The following PELI2 variants were observed in gnomAD, a reference collection of about 807,000 sequenced individuals.
PELI2 encodes the protein pellino E3 ubiquitin protein ligase family member 2, also known as E3 ubiquitin-protein ligase pellino homolog 2.
PELI2 carries 23 observed loss-of-function variants against 42.3 expected under a neutral mutation model. The observed-to-expected ratio is 0.54, with a 90% confidence interval of 0.39 to 0.77. The LOEUF (loss-of-function observed/expected upper bound fraction) is 0.77, where lower values mean the gene tolerates loss of function less well. Ranked by LOEUF, PELI2 falls within the 30% of genes least tolerant of loss-of-function variation. PELI2 has a pLI of 0.00. For synonymous variants in PELI2, 245 were observed against 212.2 expected (o/e 1.15, Z -1.34); for missense variants, 463 against 553.2 (o/e 0.84, Z 1.64).
intron 2 of PELI2, among the ~76,000 whole-genome samples, chr14:56,269,681 G>A (rs1229602269): frequency 6.6e-6 from 1 of 152,184 alleles, no homozygotes; most frequent in African/African-American, 2.4e-5. Flanking sequence ...CTTGCCCAGA[G>A]TCCTACAGCC....
chr14:56,233,609 A>G (rs909365018), intron 2 of PELI2, among the ~76,000 whole-genome samples: 3 of 152,232 alleles, frequency 2.0e-5, no homozygotes, highest in African/African-American at 4.8e-5. Context: ...TTAACTCAAG[A>G]TGGATTAAAG....
At chr14:56,134,778 T>A (rs1205966541) in intron 1 of PELI2, among the ~76,000 whole-genome samples, 5 of 91,648 alleles carry the variant, frequency 5.5e-5, no homozygotes, top group Non-Finnish European at 1.1e-4. Flanking sequence ...CAGTAAACTA[T>A]TTTTTTTTTT....
intron 1 of PELI2, among the ~76,000 whole-genome samples, chr14:56,121,528 C>T (rs1411975538): frequency 6.6e-6 from 1 of 152,186 alleles, no homozygotes; most frequent in Non-Finnish European, 1.5e-5. Flanking sequence ...GTGTCCACTA[C>T]TTAACTGAAG....
chr14:56,231,714 CAA>C (rs1237275043), intron 2 of PELI2, among the ~76,000 whole-genome samples: 1 of 152,100 alleles, frequency 6.6e-6, no homozygotes, highest in South Asian at 2.1e-4. Context: ...GAAGCAAAAG[CAA>C]ACACATTCAA....
At chr14:56,156,457 T>A (rs1410366309) in intron 1 of PELI2, among the ~76,000 whole-genome samples, 1 of 152,234 alleles carries the variant, frequency 6.6e-6, no homozygotes. Context: ...ACAAACTATT[T>A]TAGAAACATA....
chr14:56,245,979 G>C (rs1184981964), intron 2 of PELI2, among the ~76,000 whole-genome samples: 1 of 152,194 alleles, frequency 6.6e-6, no homozygotes, highest in Non-Finnish European at 1.5e-5. Context: ...CCTGGAACCA[G>C]TCCACCATGG....
chr14:56,167,842 G>C (rs922759066), intron 1 of PELI2, among the ~76,000 whole-genome samples: 1 of 152,152 alleles, frequency 6.6e-6, no homozygotes, highest in African/African-American at 2.4e-5. Flanking sequence ...ATATTTGAAA[G>C]GACTTAGGTG....
intron 2 of PELI2, among the ~76,000 whole-genome samples, chr14:56,189,839 T>G (rs1312527701): frequency 6.6e-6 from 1 of 152,246 alleles, no homozygotes; most frequent in Non-Finnish European, 1.5e-5. Flanking sequence ...TTTTTGTTTT[T>G]AAATCACAGC....
At chr14:56,147,693 C>T (rs973440952) in intron 1 of PELI2, among the ~76,000 whole-genome samples, 2 of 152,170 alleles carry the variant, frequency 1.3e-5, no homozygotes, top group Non-Finnish European at 2.9e-5. Flanking sequence ...AAAACAACAT[C>T]GTTATAATTC....
At chr14:56,269,876 C>A (rs1268354652) in intron 2 of PELI2, among the ~76,000 whole-genome samples, 1 of 152,236 alleles carries the variant, frequency 6.6e-6, no homozygotes, top group Non-Finnish European at 1.5e-5. Flanking sequence ...CTGCCCAACT[C>A]TCTGGCTGCA....
In PELI2 at chr14:56,118,565, T is replaced by G; in HGVS notation, c.-96T>G. ...GCCCTTCCCCGGCGCGCTCACCCCGTTCTCGGGATGGGATTGTAGCGGCGG... is the reference window on the plus strand; with the variant it reads ...GCCCTTCCCCGGCGCGCTCACCCCGGTCTCGGGATGGGATTGTAGCGGCGG... On this transcript the variant is annotated 5_prime_UTR_variant, in exon 1 of 6. Coordinates refer to ENST00000267460, the MANE Select transcript of PELI2 (RefSeq NM_021255.3). 2.3e-5 allele frequency: 17 copies of G among 739,706 alleles called. No individual in the cohort carries two copies. The highest frequency in any genetic ancestry group is 5.1e-5 in the South Asian group (1 of 19,524). 45.8% of individuals were successfully genotyped at this position (739,706 alleles called of 1,614,324 possible).
chr14:56,137,201 T>C (rs374203513), intron 1 of PELI2, among the ~76,000 whole-genome samples: 5 of 25,332 alleles, frequency 2.0e-4, no homozygotes, highest in African/African-American at 7.6e-4. Flanking sequence ...CATAGTAACC[T>C]TTTTTTTTTG....
chr14:56,176,244 TA>T (rs1377659595), intron 1 of PELI2, among the ~76,000 whole-genome samples: 2 of 152,160 alleles, frequency 1.3e-5, no homozygotes, highest in East Asian at 3.9e-4. Context: ...GCTGCACTCT[TA>T]CGAGGCTGAG....
At chr14:56,129,406 G>A (rs978071517) in intron 1 of PELI2, among the ~76,000 whole-genome samples, 2 of 152,258 alleles carry the variant, frequency 1.3e-5, no homozygotes, top group East Asian at 1.9e-4. Context: ...TGGGCACTCA[G>A]TGGTTTGATT....
At chr14:56,258,078 C>T (rs74469518) in intron 2 of PELI2, among the ~76,000 whole-genome samples, 1 of 152,284 alleles carries the variant, frequency 6.6e-6, no homozygotes, top group African/African-American at 2.4e-5. Flanking sequence ...ATGTTCCCAC[C>T]TGTAGAGTGA....
chr14:56,233,895 A>G (rs181816237), intron 2 of PELI2, among the ~76,000 whole-genome samples: 1 of 152,370 alleles, frequency 6.6e-6, no homozygotes, highest in Admixed American at 6.5e-5. Context: ...CAAAGAACTT[A>G]AACAAATTTA....
At chr14:56,292,893 G>C (rs1189117336) in intron 5 of PELI2, 1 of 825,646 alleles carries the variant, frequency 1.2e-6, no homozygotes, top group Non-Finnish European at 1.5e-6. Flanking sequence ...ATTACTCCAG[G>C]AGGGCCTTGA....
At chr14:56,154,416 A>C (rs1369996519) in intron 1 of PELI2, among the ~76,000 whole-genome samples, 1 of 152,082 alleles carries the variant, frequency 6.6e-6, no homozygotes, top group African/African-American at 2.4e-5. Flanking sequence ...GGGTGGTTTC[A>C]CCTATGCCTT....
rs1447913162 is a variant in PELI2, at chr14:56,214,009, G to A, written c.207+35545G>A. On this transcript the variant is annotated intron_variant, in intron 2 of 5. Transcript: ENST00000267460. ...TGGAACTACAGGCATGCGACACTATGCCCAACTAATTTTTGTATTTTTTGG... is the reference window on the plus strand; with the variant it reads ...TGGAACTACAGGCATGCGACACTATACCCAACTAATTTTTGTATTTTTTGG... Among the ~76,000 whole-genome samples the A allele has an allele frequency of 2.6e-5, 4 of 152,072 alleles. No individual in the cohort carries two copies. The South Asian group carries it at 8.3e-4, about 32-fold the overall frequency.
Sources: gnomAD v4.1 joint callset for allele counts (sites outside exome capture counted in the v4.1 genomes callset) on GRCh38, gnomAD v4.1.1 for gene constraint, MANE v1.5 for transcripts, NCBI Gene and HGNC (gene_info 2026-07-23, HGNC 2026-07-21) for gene names.